Variants in JADE1 observed in about 807,000 individuals in gnomAD.
The protein encoded by JADE1 is jade family PHD finger 1, also known as protein Jade-1.
A neutral mutation model predicts 81.8 loss-of-function variants in JADE1; 14 were observed. The observed-to-expected ratio is 0.17, with a 90% CI of 0.11 to 0.27. JADE1 has a LOEUF of 0.27. Ranked by LOEUF, JADE1 falls within the 10% of genes least tolerant of loss-of-function variation. The pLI is 1.00. For missense variants in JADE1, 690 were observed against 1,047.9 expected, an observed-to-expected ratio of 0.66 and a Z score of 4.71; for synonymous variants, 353 against 391.9, an observed-to-expected ratio of 0.90 and a Z score of 1.17.
chr4:128,812,609 C>A (rs1726566407), intron 1 of JADE1, among the ~76,000 whole-genome samples: 2 of 152,196 alleles, frequency 1.3e-5, no homozygotes, highest in South Asian at 4.1e-4. Context: ...CCCCAGGTTT[C>A]CCACCCCAAG....
At position 128,872,219 on chromosome 4, in the gene JADE1, G is replaced by A. The variant is rs1470142944; in HGVS notation, c.2486G>A (p.Ser829Asn). The A allele has an allele frequency of 1.2e-6, 2 of 1,614,058 alleles. No homozygotes were observed. The highest frequency in any genetic ancestry group is 1.7e-6 in the Non-Finnish European group (2 of 1,180,016). Residue 829 changes from serine (S) to asparagine (N), a missense_variant, in exon 11 of 11, where the codon AGC becomes AAC. By Grantham distance (46) the Ser-to-Asn change is conservative (BLOSUM62 1). Coordinates refer to ENST00000226319, the MANE Select transcript of JADE1 (RefSeq NM_199320.4). Reference sequence around the variant, plus strand: ...TGTATACACACCAGCAGCACTATCAGCAGAAGGACAGACATTATCAGGAGA... The same window carrying A: ...TGTATACACACCAGCAGCACTATCAACAGAAGGACAGACATTATCAGGAGA... ...KKCIHTSSTI[S>N]RRTDIIRRSI...
chr4:128,843,834 T>C (rs1179477847), intron 3 of JADE1, among the ~76,000 whole-genome samples: 2 of 152,302 alleles, frequency 1.3e-5, no homozygotes, highest in Middle Eastern at 6.8e-3. Context: ...AGATATTCCT[T>C]GGAGGAACTT....
chr4:128,833,646 A>G (rs1728735320), intron 2 of JADE1, among the ~76,000 whole-genome samples: 1 of 152,154 alleles, frequency 6.6e-6, no homozygotes, highest in African/African-American at 2.4e-5. Flanking sequence ...GTGAGCCGAG[A>G]TCGTGGCCCC....
At chr4:128,822,565 C>T (rs1348271260) in intron 1 of JADE1, among the ~76,000 whole-genome samples, 1 of 149,080 alleles carries the variant, frequency 6.7e-6, no homozygotes, top group Non-Finnish European at 1.5e-5. Context: ...AAAAAAAATA[C>T]AAAATTAGCC....
intron 1 of JADE1, among the ~76,000 whole-genome samples, chr4:128,824,440 AAGG>A (rs1414170619): frequency 1.3e-5 from 2 of 151,994 alleles, no homozygotes; most frequent in African/African-American, 4.8e-5. Flanking sequence ...ATAAAAGAGA[AAGG>A]AGTAGCTCAT....
intron 1 of JADE1, among the ~76,000 whole-genome samples, chr4:128,825,237 C>T (rs369017362): frequency 2.0e-5 from 3 of 152,250 alleles, no homozygotes; most frequent in East Asian, 3.9e-4. Context: ...GACGGGGTTT[C>T]GCCATGTTGC....
intron 9 of JADE1, chr4:128,863,145 T>C: frequency 2.0e-6 from 2 of 985,566 alleles, no homozygotes; most frequent in South Asian, 4.7e-5. Context: ...TCCCCCACTT[T>C]CCATCACCTC....
chr4:128,825,092 T>A (rs1301836691), intron 1 of JADE1, among the ~76,000 whole-genome samples: 2 of 152,248 alleles, frequency 1.3e-5, no homozygotes, highest in African/African-American at 2.4e-5. Flanking sequence ...CGGGCTGGGG[T>A]GCAGTGGTAT....
intron 8 of JADE1, among the ~76,000 whole-genome samples, chr4:128,858,090 CGT>C (rs373424523): frequency 9.3e-5 from 14 of 151,060 alleles, no homozygotes; most frequent in East Asian, 1.9e-4. Context: ...CGCGCATGCA[CGT>C]GTGTGTGTGT....
chr4:128,826,857 G>A (rs1345092197), intron 1 of JADE1, among the ~76,000 whole-genome samples: 1 of 152,096 alleles, frequency 6.6e-6, no homozygotes, highest in African/African-American at 2.4e-5. Context: ...CTTTAGTCAC[G>A]CTCCTCCGGT....
At chr4:128,828,663 T>C (rs951373629) in intron 1 of JADE1, among the ~76,000 whole-genome samples, 1 of 152,218 alleles carries the variant, frequency 6.6e-6, no homozygotes. Context: ...TATGTGTGTT[T>C]AGGTGCATCA....
Position 128,846,253 on chromosome 4 carries a change from C to A in JADE1, c.139-122C>A. 1 of 996,248 alleles carries A rather than the reference C, an allele frequency of 1.0e-6. No individual in the cohort carries two copies. Among genetic ancestry groups the A allele is most frequent in the Non-Finnish European group, 1.5e-6 (1 of 657,830 alleles). The allele number at this position is 996,248 out of a possible 1,614,324, so 61.7% of individuals were successfully genotyped here. On this transcript the variant is annotated intron_variant, in intron 3 of 10. Coordinates refer to ENST00000226319, the MANE Select transcript of JADE1 (RefSeq NM_199320.4). The surrounding 1 kb of genome is among the most constrained non-coding windows in gnomAD (Gnocchi z 4.0). The stretch of plus-strand genomic sequence containing the variant: ...CAAAGTTTTTCTGTAATAGGTCAGG[C>A]TTGTTCTATGTTGATACAGTGACCT...
At chr4:128,824,393 A>G (rs890677915) in intron 1 of JADE1, among the ~76,000 whole-genome samples, 1 of 151,954 alleles carries the variant, frequency 6.6e-6, no homozygotes, top group Non-Finnish European at 1.5e-5. Flanking sequence ...ACTCCAGCCT[A>G]GGTGACAGAG....
intron 9 of JADE1, chr4:128,862,862 C>T: frequency 1.0e-6 from 1 of 988,654 alleles, no homozygotes; most frequent in African/African-American, 1.7e-5. Context: ...AGAAGATACT[C>T]CTGGCAGTGA....
chr4:128,871,807 C>T lies in JADE1; in HGVS notation c.2074C>T (p.Gln692Ter). 6.2e-7 allele frequency: 1 copy of T among 1,614,120 alleles called. No individual in the cohort carries two copies. The highest frequency in any genetic ancestry group is 8.5e-7 in the Non-Finnish European group (1 of 1,179,992). Residue 692 changes from glutamine to a stop codon, truncating the protein, a stop_gained, in exon 11 of 11, where the codon CAG becomes TAG. Coordinates refer to ENST00000226319, the MANE Select transcript of JADE1 (RefSeq NM_199320.4). LOFTEE classifies it high-confidence loss of function. The surrounding 1 kb of genome is among the most constrained non-coding windows in gnomAD (Gnocchi z 4.1). ...GCCTCTCAGGTCCACAGATGTGTCC[C>T]AGAGGCATCTGGACAACACAAGAGC... Reference protein sequence around the residue: ...HKPLRSTDVSQRHLDNTRAAT... With the variant: ...HKPLRSTDVS
intron 1 of JADE1, among the ~76,000 whole-genome samples, chr4:128,830,173 G>A (rs1187295068): frequency 6.6e-6 from 1 of 151,610 alleles, no homozygotes; most frequent in Non-Finnish European, 1.5e-5. Flanking sequence ...ACCACACCCA[G>A]CCCGGTTTTC....
intron 6 of JADE1, among the ~76,000 whole-genome samples, chr4:128,853,797 A>G (rs1730567408): frequency 1.3e-5 from 2 of 152,164 alleles, no homozygotes; most frequent in Admixed American, 1.3e-4. Context: ...CCTTTGCTTC[A>G]TAATTTGTGA....
intron 9 of JADE1, chr4:128,862,488 G>T: frequency 5.3e-6 from 7 of 1,332,882 alleles, no homozygotes; most frequent in South Asian, 1.8e-5. Context: ...TGTTTTGTAA[G>T]ATCAAATGGG....
chr4:128,865,384 G>T (rs1295614086), intron 9 of JADE1, among the ~76,000 whole-genome samples: 1 of 152,198 alleles, frequency 6.6e-6, no homozygotes, highest in Admixed American at 6.5e-5. Context: ...GGAAAGGGAT[G>T]ATCAGGTTTA....
Sources: allele counts gnomAD v4.1 joint callset (sites outside exome capture counted in the v4.1 genomes callset), GRCh38; gene constraint gnomAD v4.1.1; non-coding constraint Gnocchi (gnomAD v3.1); transcripts MANE v1.5; gene names NCBI Gene and HGNC (gene_info 2026-07-23, HGNC 2026-07-21).